ZDHHC11B: variants seen among roughly 807,000 people sequenced by gnomAD.
ZDHHC11B encodes the protein probable palmitoyltransferase ZDHHC11B.
Under a neutral mutation model 42.3 loss-of-function variants are expected in ZDHHC11B, and 17 were observed. The ratio of observed to expected loss-of-function variants is 0.40; its 90% confidence interval spans 0.27 to 0.60. The LOEUF (loss-of-function observed/expected upper bound fraction) is 0.60. Ranked by LOEUF, ZDHHC11B falls within the 20% of genes least tolerant of loss-of-function variation. The pLI, the probability that ZDHHC11B is intolerant of heterozygous loss-of-function variation, is 0.41. For synonymous variants in ZDHHC11B, 123 were observed against 193.5 expected (o/e 0.64, Z 3.02); for missense variants, 262 against 463.2 (o/e 0.57, Z 3.99).
At chr5:715,177 C>A (rs1741657690) in intron 13 of ZDHHC11B, among the ~76,000 whole-genome samples, 1 of 150,884 alleles carries the variant, frequency 6.6e-6, no homozygotes, top group African/African-American at 2.5e-5. Context: ...CTAAGACACG[C>A]CTTGTGTCCA....
chr5:755,077 T>TG lies in ZDHHC11B; in HGVS notation c.423dup (p.Ile142HisfsTer5). 2 of 778,144 alleles carry TG rather than the reference T, an allele frequency of 2.6e-6. No individual in the cohort carries two copies. Among genetic ancestry groups the TG allele is most frequent in the Non-Finnish European group, 1.9e-6 (1 of 515,606 alleles). The allele number at this position is 778,144 out of a possible 1,614,324, so 48.2% of individuals were successfully genotyped here. A position where few individuals can be genotyped will look rare whatever the true frequency, so the allele number is the denominator to read the frequency against. ...CCGGACACACACTTATTGCAGGAAA[T>TG]GCAGTGTTTGGTTTTCTTGTTCCTG... On this transcript the variant is annotated frameshift_variant, in exon 6 of 14. Coordinates refer to ENST00000508859, the MANE Select transcript of ZDHHC11B (RefSeq NM_001351303.2). LOFTEE classifies it high-confidence loss of function.
intron 12 of ZDHHC11B, among the ~76,000 whole-genome samples, chr5:729,319 C>T (rs1404770443): frequency 4.0e-5 from 6 of 151,174 alleles, no homozygotes; most frequent in Non-Finnish European, 8.8e-5. Flanking sequence ...GCATGACCTA[C>T]TGGAATGGTG....
intron 6 of ZDHHC11B, among the ~76,000 whole-genome samples, chr5:754,750 G>A (rs1352883914): frequency 1.3e-4 from 13 of 100,240 alleles, no homozygotes; most frequent in African/African-American, 3.7e-4. Context: ...GGCCCCGCAA[G>A]TGCCCCCGGG....
intron 12 of ZDHHC11B, 25 bp from the exon 13 acceptor site, chr5:716,890 G>A (rs11746056): frequency 0.025 from 38,490 of 1,518,900 alleles, 238 homozygotes; most frequent in Non-Finnish European, 0.028. Context: ...CAGAAAGAGA[G>A]ACAACAGAGA....
intron 4 of ZDHHC11B, among the ~76,000 whole-genome samples, chr5:764,024 G>C (rs557996500): frequency 2.0e-5 from 3 of 152,078 alleles, no homozygotes; most frequent in Admixed American, 6.5e-5. Flanking sequence ...TCAGGAAAGA[G>C]AGACATGGCC....
intron 1 of ZDHHC11B, among the ~76,000 whole-genome samples, chr5:772,692 TG>T (rs1207643818): frequency 6.9e-6 from 1 of 144,678 alleles, no homozygotes; most frequent in Admixed American, 6.9e-5. Flanking sequence ...CAGGCAGTTC[TG>T]GAGGGAAAAG....
At chr5:732,675 AG>A (rs1203489774) in intron 11 of ZDHHC11B, 1 of 449,168 alleles carries the variant, frequency 2.2e-6, no homozygotes, top group African/African-American at 2.0e-5. Flanking sequence ...CTGCCCCCAC[AG>A]GGAAGGACAA....
At chr5:729,050 G>A (rs1291051560) in intron 12 of ZDHHC11B, among the ~76,000 whole-genome samples, 32 of 150,682 alleles carry the variant, frequency 2.1e-4, no homozygotes, top group African/African-American at 5.6e-4. Context: ...ATCCAGGGCA[G>A]CTGGGTTGGG....
chr5:730,998 G>GT (rs1245539516), intron 11 of ZDHHC11B, among the ~76,000 whole-genome samples: 6 of 151,960 alleles, frequency 3.9e-5, no homozygotes, highest in Non-Finnish European at 2.9e-5. Flanking sequence ...CGCCCCATGT[G>GT]TGGTTCCTGC....
intron 6 of ZDHHC11B, among the ~76,000 whole-genome samples, chr5:754,583 A>C (rs1277962375): frequency 3.9e-5 from 5 of 127,630 alleles, no homozygotes; most frequent in Non-Finnish European, 8.5e-5. Context: ...CTCATCTGTG[A>C]GCCTCCACCA....
chr5:753,042 T>C (rs12520440), intron 6 of ZDHHC11B, among the ~76,000 whole-genome samples: 24,778 of 124,430 alleles, frequency 0.2, 2,397 homozygotes, highest in African/African-American at 0.41. Flanking sequence ...CACAGCCTCC[T>C]GCCCCTGCTG....
intron 1 of ZDHHC11B, among the ~76,000 whole-genome samples, chr5:772,225 G>A (rs1337456637): frequency 6.7e-6 from 1 of 149,816 alleles, no homozygotes; most frequent in East Asian, 2.0e-4. Flanking sequence ...CACGACGCGT[G>A]AGAACGGTCC....
chr5:763,095 C>T lies in ZDHHC11B; in HGVS notation c.222+3603G>A, dbSNP rs1425042680. ...TGAAAAACACAACCTATCAGCTAGG[C>T]GCGGTGGCTCACGCCTATAATCCCA... On this transcript the variant is annotated intron_variant, in intron 4 of 13. Transcript: ENST00000508859. Among the ~76,000 whole-genome samples, 13 of 151,866 alleles carry T rather than the reference C, an allele frequency of 8.6e-5. 1 individual carries two copies. Among genetic ancestry groups the T allele is most frequent in the African/African-American group, 2.4e-4 (10 of 41,336 alleles).
chr5:724,763 CA>C (rs1285430752), intron 12 of ZDHHC11B, among the ~76,000 whole-genome samples: 3 of 150,042 alleles, frequency 2.0e-5, no homozygotes, highest in African/African-American at 7.4e-5. Context: ...ATTAAAATTT[CA>C]AACATAAACA....
chr5:732,545 A>G, intron 11 of ZDHHC11B: 1 of 392,836 alleles, frequency 2.5e-6, no homozygotes, highest in Non-Finnish European at 5.1e-6. Context: ...CTGGAAGTGC[A>G]GGCAAGGGGC....
chr5:726,145 C>T lies in ZDHHC11B; in HGVS notation c.1058+4289G>A, dbSNP rs146999238. 9.4e-3 allele frequency among the ~76,000 whole-genome samples: 1,398 copies of T among 149,166 alleles called. 16 individuals carry two copies. The highest frequency in any genetic ancestry group is 0.02 in the African/African-American group (812 of 40,390). Reference sequence around the variant, plus strand: ...ATCCACCACTAGAGACACTATAAATCCCTACACATTTCCCACAAAACAGAC... The same window carrying T: ...ATCCACCACTAGAGACACTATAAATTCCTACACATTTCCCACAAAACAGAC... On this transcript the variant is annotated intron_variant, in intron 12 of 13. Transcript: ENST00000508859.
chr5:771,493 T>G (rs1483925167), intron 1 of ZDHHC11B, among the ~76,000 whole-genome samples: 3 of 30,406 alleles, frequency 9.9e-5, no homozygotes, highest in Admixed American at 8.3e-4. Flanking sequence ...GGCAGGATCC[T>G]GGTGGGGGCA....
At chr5:770,798 C>T (rs376181443) in intron 1 of ZDHHC11B, among the ~76,000 whole-genome samples, 8 of 152,034 alleles carry the variant, frequency 5.3e-5, no homozygotes, top group Middle Eastern at 3.4e-3. Flanking sequence ...CTGGGGGCAC[C>T]GGTGTCAGGG....
Position 711,150 on chromosome 5 carries a change from C to G in ZDHHC11B, c.*1140G>C, listed in dbSNP as rs1741335020. The G allele has an allele frequency of 6.5e-6, 1 of 153,528 alleles. No homozygotes were observed. Among genetic ancestry groups the G allele is most frequent in the African/African-American group, 2.5e-5 (1 of 40,626 alleles). 9.5% of individuals were successfully genotyped at this position (153,528 alleles called of 1,614,324 possible). On this transcript the variant is annotated 3_prime_UTR_variant, in exon 14 of 14. Transcript: ENST00000508859. ...TCCCAGTACTATGGGCTCCCCTTTC[C>G]CAGTACTGTGCTCCGCTTTCCCAGT... is the stretch of plus-strand genomic sequence containing the variant.
Sources: gnomAD v4.1 joint callset for allele counts (sites outside exome capture counted in the v4.1 genomes callset) on GRCh38, gnomAD v4.1.1 for gene constraint, MANE v1.5 for transcripts, NCBI Gene and HGNC (gene_info 2026-07-23, HGNC 2026-07-21) for gene names.